The following MME variants were observed in gnomAD, a reference collection of about 807,000 sequenced individuals.
MME encodes membrane metalloendopeptidase.
Under a neutral mutation model 113.2 loss-of-function variants are expected in MME, and 98 were observed. The ratio of observed to expected loss-of-function variants is 0.87; its 90% CI spans 0.74 to 1.02. The LOEUF is 1.02. Ranked by LOEUF, MME falls within the 50% of genes least tolerant of loss-of-function variation. The pLI is 0.00. For synonymous variants in MME, 292 were observed against 300.6 expected, an observed-to-expected ratio of 0.97 and a Z score of 0.30; for missense variants, 836 against 896.0, an observed-to-expected ratio of 0.93 and a Z score of 0.86.
chr3:155,168,783 G>T lies in MME; in HGVS notation c.1966G>T (p.Gly656Cys), dbSNP rs1362185929. Reference sequence around the variant, plus strand: ...AAACATTGCTGATAATGGAGGTCTTGGTCAAGCATACAGAGTAAGTAAAAA... The same window carrying T: ...AAACATTGCTGATAATGGAGGTCTTTGTCAAGCATACAGAGTAAGTAAAAA... ...GENIADNGGLGQAYRAYQNYI... is the reference protein window; with the variant it reads ...GENIADNGGLCQAYRAYQNYI... The change falls in exon 20 of 23, where the codon GGT (glycine) becomes TGT (cysteine). Residue 656 changes from glycine (G) to cysteine (C), a missense_variant. Gly to Cys is a radical substitution (Grantham distance 159, BLOSUM62 -3). Coordinates refer to ENST00000360490, the MANE Select transcript of MME (RefSeq NM_007289.4). 6.2e-7 allele frequency: 1 copy of T among 1,612,388 alleles called. No individual in the cohort carries two copies. Among genetic ancestry groups the T allele is most frequent in the South Asian group, 1.1e-5 (1 of 91,032 alleles).
Position 155,085,105 on chromosome 3 carries a change from G to T in MME, c.196+11G>T, listed in dbSNP as rs775192412. ...ACTGCATAAAATCAGGTAAGAAATG[G>T]TTTTTACGTGTAATAGTTATACAAC... is the stretch of plus-strand genomic sequence containing the variant. On this transcript the variant is annotated intron_variant, in intron 3 of 22. Transcript: ENST00000360490. 2 of 1,542,412 alleles carry T rather than the reference G, an allele frequency of 1.3e-6. No individual in the cohort carries two copies. Among genetic ancestry groups the T allele is most frequent in the South Asian group, 2.3e-5 (2 of 86,678 alleles).
chr3:155,172,279 A>T, intron 21 of MME, 67 bp downstream of exon 21: 1 of 1,101,360 alleles, frequency 9.1e-7, no homozygotes, highest in South Asian at 1.3e-5. Context: ...AGTAAGTTAG[A>T]TGTCACATGC....
intron 3 of MME, among the ~76,000 whole-genome samples, chr3:155,098,568 G>A (rs896155162): frequency 1.5e-4 from 22 of 146,232 alleles, no homozygotes; most frequent in East Asian, 1.2e-3. Context: ...AAAAAAAAAA[G>A]AGTGGCCATG....
At chr3:155,105,940 T>C (rs941626715) in intron 3 of MME, among the ~76,000 whole-genome samples, 2 of 152,204 alleles carry the variant, frequency 1.3e-5, no homozygotes, top group African/African-American at 2.4e-5. Context: ...ATTTATCTGA[T>C]AGCAAATGGA....
chr3:155,062,269 A>T (rs1004543988), intron 1 of MME, among the ~76,000 whole-genome samples: 2 of 152,182 alleles, frequency 1.3e-5, no homozygotes, highest in Non-Finnish European at 2.9e-5. Flanking sequence ...ATCTGCAAGA[A>T]TACCCCTTAA....
intron 1 of MME, among the ~76,000 whole-genome samples, chr3:155,035,577 A>C (rs1252235968): frequency 6.6e-6 from 1 of 152,180 alleles, no homozygotes; most frequent in Non-Finnish European, 1.5e-5. Context: ...TTCTTTAAGA[A>C]GGTGGCATTT....
At chr3:155,049,932 G>T (rs942683948) in intron 1 of MME, among the ~76,000 whole-genome samples, 1 of 152,036 alleles carries the variant, frequency 6.6e-6, no homozygotes, top group African/African-American at 2.4e-5. Context: ...TCATCACCCA[G>T]GTACTAAGCA....
intron 16 of MME, among the ~76,000 whole-genome samples, chr3:155,154,521 T>C (rs1367023478): frequency 6.6e-6 from 1 of 152,228 alleles, no homozygotes; most frequent in Non-Finnish European, 1.5e-5. Flanking sequence ...ACTAAAATTC[T>C]GTGGACCTTA....
intron 1 of MME, among the ~76,000 whole-genome samples, chr3:155,064,251 T>C (rs1050021403): frequency 3.0e-4 from 45 of 152,248 alleles, no homozygotes; most frequent in South Asian, 8.3e-4. Flanking sequence ...ATCCTGCCAC[T>C]GTACTTCAGC....
At chr3:155,149,633 GT>G (rs2108327804) in intron 16 of MME, among the ~76,000 whole-genome samples, 1 of 152,174 alleles carries the variant, frequency 6.6e-6, no homozygotes, top group South Asian at 2.1e-4. Flanking sequence ...AAGACATGGT[GT>G]AATAAACTGC....
Position 155,144,370 on chromosome 3 carries a change from G to C in MME, c.1329G>C (p.Leu443Phe), listed in dbSNP as rs1270282951. 1 of 1,611,458 alleles carries C rather than the reference G, an allele frequency of 6.2e-7. No individual in the cohort carries two copies. The highest frequency in any genetic ancestry group is 8.5e-7 in the Non-Finnish European group (1 of 1,178,006). The change falls in exon 14 of 23, where the codon TTG (leucine) becomes TTC (phenylalanine). Residue 443 changes from leucine to phenylalanine, a missense_variant. Transcript: ENST00000360490. The stretch of plus-strand genomic sequence containing the variant: ...TGTTCTGATTTGAGGTCGAGGATTT[G>C]ATTGCACAGATCCGAGAAGTTTTTA... ...AGESKHVVED[L>F]IAQIREVFIQ...
intron 18 of MME, among the ~76,000 whole-genome samples, chr3:155,167,872 G>A (rs1711514811): frequency 6.6e-6 from 1 of 152,174 alleles, no homozygotes; most frequent in African/African-American, 2.4e-5. Context: ...ACCAGAAGGT[G>A]AATTCAAGTA....
intron 1 of MME, among the ~76,000 whole-genome samples, chr3:155,051,343 G>C (rs1481447780): frequency 2.0e-5 from 3 of 152,084 alleles, no homozygotes; most frequent in Non-Finnish European, 4.4e-5. Flanking sequence ...AACCAACAAG[G>C]CTTTTCAGAA....
chr3:155,060,226 T>A (rs1285241108), intron 1 of MME, among the ~76,000 whole-genome samples: 1 of 152,154 alleles, frequency 6.6e-6, no homozygotes, highest in Non-Finnish European at 1.5e-5. Flanking sequence ...TCTGCAAATG[T>A]CCTCCCTTTG....
At chr3:155,046,012 G>A (rs1713544926) in intron 1 of MME, among the ~76,000 whole-genome samples, 1 of 152,056 alleles carries the variant, frequency 6.6e-6, no homozygotes, top group Non-Finnish European at 1.5e-5. Context: ...CAGTCTATAA[G>A]TTTATGTCTT....
At chr3:155,139,785 C>T (rs1041357459) in intron 9 of MME, among the ~76,000 whole-genome samples, 11 of 151,922 alleles carry the variant, frequency 7.2e-5, no homozygotes, top group Non-Finnish European at 1.0e-4. Context: ...ACTAGGACAC[C>T]GAATGGTAAT....
At chr3:155,056,770 T>A (rs1362284294) in intron 1 of MME, among the ~76,000 whole-genome samples, 1 of 152,146 alleles carries the variant, frequency 6.6e-6, no homozygotes, top group Non-Finnish European at 1.5e-5. Context: ...TCCACAATGG[T>A]TGAACTAGTT....
intron 8 of MME, among the ~76,000 whole-genome samples, chr3:155,128,590 C>T (rs1428720667): frequency 6.6e-6 from 1 of 151,114 alleles, no homozygotes; most frequent in Non-Finnish European, 1.5e-5. Flanking sequence ...TTGCCTAGAA[C>T]TTGCCCCCCA....
intron 1 of MME, among the ~76,000 whole-genome samples, chr3:155,052,872 G>T (rs906912815): frequency 6.6e-6 from 1 of 152,096 alleles, no homozygotes; most frequent in African/African-American, 2.4e-5. Context: ...AAACTTTTAT[G>T]CTCTGCCTTC....
Sources: allele counts gnomAD v4.1 joint callset (sites outside exome capture counted in the v4.1 genomes callset), GRCh38; gene constraint gnomAD v4.1.1; transcripts MANE v1.5; gene names NCBI Gene and HGNC (gene_info 2026-07-23, HGNC 2026-07-21).